Variants in PRKCA observed in about 807,000 individuals in gnomAD.
PRKCA encodes the protein protein kinase C alpha, also known as protein kinase C alpha type.
Under a neutral mutation model 87.0 loss-of-function variants are expected in PRKCA, and 27 were observed. The observed-to-expected ratio is 0.31, with a 90% CI of 0.23 to 0.43. PRKCA has a LOEUF of 0.43. Ranked by LOEUF, PRKCA falls within the 20% of genes least tolerant of loss-of-function variation. PRKCA has a pLI of 1.00. For synonymous variants in PRKCA, 329 were observed against 311.1 expected, an observed-to-expected ratio of 1.06 and a Z score of -0.61; for missense variants, 518 against 852.3, an observed-to-expected ratio of 0.61 and a Z score of 4.88.
At chr17:66,463,892 GT>G (rs1914970729) in intron 2 of PRKCA, among the ~76,000 whole-genome samples, 1 of 152,104 alleles carries the variant, frequency 6.6e-6, no homozygotes, top group Admixed American at 6.5e-5. Context: ...ATCACCCAAA[GT>G]CCACAGTTTA....
At chr17:66,478,744 C>T (rs1915642600) in intron 2 of PRKCA, among the ~76,000 whole-genome samples, 1 of 123,470 alleles carries the variant, frequency 8.1e-6, no homozygotes, top group African/African-American at 3.4e-5. Flanking sequence ...AAACACTGCC[C>T]TAGAGACAGC....
chr17:66,622,236 C>T (rs17686640), intron 3 of PRKCA, among the ~76,000 whole-genome samples: 8,507 of 152,296 alleles, frequency 0.056, 308 homozygotes, highest in South Asian at 0.11. Context: ...TAACCAGCAG[C>T]CTTCCTGCAG....
intron 3 of PRKCA, among the ~76,000 whole-genome samples, chr17:66,502,769 C>G (rs113010648): frequency 0.055 from 8,330 of 152,236 alleles, 760 homozygotes; most frequent in African/African-American, 0.19. Context: ...ATTCTCCTGC[C>G]TTAGCCTCCC....
Position 66,803,194 on chromosome 17 carries a change from C to T in PRKCA, c.1855-679C>T, listed in dbSNP as rs764458878. Among the ~76,000 whole-genome samples, 1 of 152,156 alleles carries T rather than the reference C, an allele frequency of 6.6e-6. No individual in the cohort carries two copies. The highest frequency in any genetic ancestry group is 1.5e-5 in the Non-Finnish European group (1 of 68,026). ...CTCCCCAGGGCGCCATGCAAACATC[C>T]TCCAGCCTGAGACCACCCTGCAAAT... On this transcript the variant is annotated intron_variant, in intron 16 of 16. Coordinates refer to ENST00000413366, the MANE Select transcript of PRKCA (RefSeq NM_002737.3). The surrounding 1 kb of genome is among the most constrained non-coding windows in gnomAD (Gnocchi z 4.4).
rs768876755 is a variant in PRKCA at position 66,732,792 on chromosome 17, C to T, written c.1023C>T (p.Phe341=). ...GAGTGAAACTCACGGACTTCAATTT[C>T]CTCATGGTGTTGGGAAAGGGGAGTT... is the stretch of plus-strand genomic sequence containing the variant. ...LDRVKLTDFN[F]LMVLGKGSFG... The change falls in exon 9 of 17, where the codon TTC becomes TTT. Residue 341 remains phenylalanine, a synonymous_variant. Transcript: ENST00000413366. 6.2e-7 allele frequency: 1 copy of T among 1,614,192 alleles called. No homozygotes were observed. The highest frequency in any genetic ancestry group is 2.2e-5 in the East Asian group (1 of 44,884).
chr17:66,725,792 AGAGT>A (rs1340270687), intron 8 of PRKCA, among the ~76,000 whole-genome samples: 3 of 149,802 alleles, frequency 2.0e-5, no homozygotes, highest in African/African-American at 7.3e-5. Flanking sequence ...CCTGGGCGAC[AGAGT>A]GAGACCCTGT....
At chr17:66,774,526 C>T (rs1975006136) in intron 14 of PRKCA, 1 of 720,356 alleles carries the variant, frequency 1.4e-6, no homozygotes, top group Admixed American at 5.2e-5. Flanking sequence ...GCTACTGAGG[C>T]ATGAGAATTG....
chr17:66,605,577 C>T (rs1399604738), intron 3 of PRKCA, among the ~76,000 whole-genome samples: 1 of 152,088 alleles, frequency 6.6e-6, no homozygotes, highest in Non-Finnish European at 1.5e-5. Flanking sequence ...CCATAAGACC[C>T]AACAATTCCT....
intron 3 of PRKCA, among the ~76,000 whole-genome samples, chr17:66,604,623 G>A (rs1040185404): frequency 6.6e-6 from 1 of 152,142 alleles, no homozygotes; most frequent in African/African-American, 2.4e-5. Flanking sequence ...CTGAAGACAT[G>A]CCAATAGCAT....
intron 3 of PRKCA, among the ~76,000 whole-genome samples, chr17:66,572,786 G>A (rs1158595326): frequency 6.6e-6 from 1 of 152,086 alleles, no homozygotes; most frequent in Admixed American, 6.6e-5. Context: ...CACCCCACCT[G>A]GCCCTGAGGC....
chr17:66,566,479 G>GTTTTTTTTTTT lies in PRKCA; in HGVS notation c.288+70196_288+70197insTTTTTTTTTTT, dbSNP rs368602635. Among the ~76,000 whole-genome samples, 140 of 74,648 alleles carry GTTTTTTTTTTT rather than the reference G, an allele frequency of 1.9e-3. 6 individuals are homozygous for GTTTTTTTTTTT. Among genetic ancestry groups the GTTTTTTTTTTT allele is most frequent in the African/African-American group, 2.6e-3 (55 of 21,400 alleles). The allele number at this position is 74,648 out of a possible 152,430, so 49.0% of individuals were successfully genotyped here. On this transcript the variant is annotated intron_variant, in intron 3 of 16. Transcript: ENST00000413366. ...TTGTGAAGAACTGTTGTTGTTTTTTGGTTTTTTTTTTTTTTTTTTTTTTGC... is the reference window on the plus strand; with the variant it reads ...TTGTGAAGAACTGTTGTTGTTTTTTGTTTTTTTTTTTGTTTTTTTTTTTTTTTTTTTTTTGC...
chr17:66,388,530 G>T (rs1025348846), intron 2 of PRKCA, among the ~76,000 whole-genome samples: 2 of 152,142 alleles, frequency 1.3e-5, no homozygotes, highest in African/African-American at 4.8e-5. Context: ...TTGACCTCAA[G>T]TGATCCACCC....
chr17:66,414,141 T>C (rs1468941031), intron 2 of PRKCA, among the ~76,000 whole-genome samples: 2 of 152,154 alleles, frequency 1.3e-5, no homozygotes, highest in African/African-American at 4.8e-5. Context: ...ACCAGTGATA[T>C]GGTTTGGATC....
chr17:66,505,473 T>A (rs1166907165), intron 3 of PRKCA, among the ~76,000 whole-genome samples: 2 of 152,202 alleles, frequency 1.3e-5, no homozygotes, highest in African/African-American at 4.8e-5. Flanking sequence ...TGGGGGCTTG[T>A]CAGCTGAATC....
intron 3 of PRKCA, among the ~76,000 whole-genome samples, chr17:66,555,819 G>A (rs1190495986): frequency 2.0e-5 from 3 of 152,084 alleles, no homozygotes; most frequent in Non-Finnish European, 4.4e-5. Flanking sequence ...GTCCTTAGGT[G>A]AAGGGTTTCC....
At chr17:66,572,084 G>C (rs1209434276) in intron 3 of PRKCA, among the ~76,000 whole-genome samples, 1 of 152,156 alleles carries the variant, frequency 6.6e-6, no homozygotes, top group Non-Finnish European at 1.5e-5. Context: ...TCCTAGACAT[G>C]GTAAGTGCGT....
intron 2 of PRKCA, among the ~76,000 whole-genome samples, chr17:66,391,728 A>C (rs932284508): frequency 2.0e-5 from 3 of 152,150 alleles, no homozygotes; most frequent in Non-Finnish European, 4.4e-5. Context: ...GAAAAGTTGA[A>C]AGTACAGAGC....
chr17:66,628,689 C>T lies in PRKCA; in HGVS notation c.289-12666C>T, dbSNP rs145701613. On this transcript the variant is annotated intron_variant, in intron 3 of 16. Coordinates refer to ENST00000413366, the MANE Select transcript of PRKCA (RefSeq NM_002737.3). ...CTATTTTACCATAAACTGCACATTT[C>T]GATTTTTAAAGTGAGGTTATAACCA... is the stretch of plus-strand genomic sequence containing the variant. Among the ~76,000 whole-genome samples the T allele has an allele frequency of 5.7e-3, 874 of 152,240 alleles. 11 individuals carry two copies. The highest frequency in any genetic ancestry group is 0.018 in the African/African-American group (732 of 41,540).
intron 2 of PRKCA, among the ~76,000 whole-genome samples, chr17:66,329,783 A>G (rs1293975870): frequency 1.3e-5 from 2 of 152,186 alleles, no homozygotes; most frequent in Non-Finnish European, 2.9e-5. Flanking sequence ...CCATCTGAGC[A>G]GTAATTCCCT....
Sources: gnomAD v4.1 joint callset for allele counts (sites outside exome capture counted in the v4.1 genomes callset) on GRCh38, gnomAD v4.1.1 for gene constraint, Gnocchi (gnomAD v3.1) non-coding constraint, MANE v1.5 for transcripts, NCBI Gene and HGNC (gene_info 2026-07-23, HGNC 2026-07-21) for gene names.